PHF14: variants seen among roughly 807,000 people sequenced by gnomAD.
PHF14 encodes PHD finger protein 14.
In PHF14, 55 loss-of-function variants were observed where a neutral mutation model predicts 117.9. That is an observed-to-expected ratio of 0.47 (90% CI 0.38 to 0.58). PHF14 has a LOEUF of 0.58. Among genes scored for constraint, PHF14 ranks in the 20% least tolerant of loss-of-function variants. PHF14 has a pLI of 0.00. For synonymous variants in PHF14, 409 were observed against 368.6 expected (o/e 1.11, Z -1.26); for missense variants, 978 against 1,122.2 (o/e 0.87, Z 1.84).
chr7:11,073,731 G>A (rs944976677), intron 16 of PHF14, among the ~76,000 whole-genome samples: 1 of 152,208 alleles, frequency 6.6e-6, no homozygotes, highest in African/African-American at 2.4e-5. Flanking sequence ...TTCTGTGAAG[G>A]CTCTGTCTCT....
chr7:10,993,765 T>C (rs796879604), intron 4 of PHF14, among the ~76,000 whole-genome samples: 18 of 152,226 alleles, frequency 1.2e-4, no homozygotes, highest in African/African-American at 3.9e-4. Flanking sequence ...TCCCAGCACT[T>C]TGGGAGGCCA....
chr7:10,976,540 A>C (rs772476043), intron 2 of PHF14, among the ~76,000 whole-genome samples: 6 of 152,116 alleles, frequency 3.9e-5, no homozygotes, highest in Non-Finnish European at 7.4e-5. Context: ...TGTGACAATA[A>C]ATCTTGACTT....
chr7:10,996,641 A>C (rs73678542), intron 4 of PHF14, among the ~76,000 whole-genome samples: 3,162 of 152,338 alleles, frequency 0.021, 124 homozygotes, highest in African/African-American at 0.073. Flanking sequence ...TGATTCATTA[A>C]ATAAATATAA....
At chr7:11,036,351 T>C (rs1350405125) in intron 8 of PHF14, 67 bp from the exon 9 acceptor site, 2 of 1,291,072 alleles carry the variant, frequency 1.5e-6, no homozygotes, top group East Asian at 2.5e-5. Flanking sequence ...TAAAAATCAA[T>C]GTAAAAATCT....
intron 4 of PHF14, among the ~76,000 whole-genome samples, chr7:11,005,676 T>G (rs1255206964): frequency 6.6e-6 from 1 of 152,182 alleles, no homozygotes; most frequent in Non-Finnish European, 1.5e-5. Flanking sequence ...TCAACCATAA[T>G]GTACTTATTT....
chr7:11,038,541 C>G (rs1191152443), intron 10 of PHF14, among the ~76,000 whole-genome samples: 4 of 151,492 alleles, frequency 2.6e-5, no homozygotes, highest in African/African-American at 9.7e-5. Context: ...ACCTGTAGTC[C>G]CACCTACTCG....
intron 16 of PHF14, chr7:11,103,229 G>T (rs935276287): frequency 3.2e-6 from 3 of 929,232 alleles, no homozygotes; most frequent in Admixed American, 1.2e-4. Flanking sequence ...CAGATTTTAA[G>T]CTCATGAATA....
intron 14 of PHF14, among the ~76,000 whole-genome samples, chr7:11,059,953 C>T (rs1354750749): frequency 6.6e-6 from 1 of 152,110 alleles, no homozygotes; most frequent in Non-Finnish European, 1.5e-5. Context: ...TCACTGCAGC[C>T]TAGATCTCCT....
At chr7:11,040,607 A>G (rs1784471266) in intron 11 of PHF14, 65 bp from the exon 12 acceptor site, 1 of 735,766 alleles carries the variant, frequency 1.4e-6, no homozygotes, top group Non-Finnish European at 2.1e-6. Flanking sequence ...AGTGGCAATT[A>G]GAGGAAAATG....
At chr7:11,003,782 A>G (rs1224455405) in intron 4 of PHF14, among the ~76,000 whole-genome samples, 1 of 152,216 alleles carries the variant, frequency 6.6e-6, no homozygotes, top group Non-Finnish European at 1.5e-5. Context: ...ATATGTAAAA[A>G]TAGTTATGCT....
intron 13 of PHF14, among the ~76,000 whole-genome samples, chr7:11,050,035 A>G (rs1181195203): frequency 1.3e-5 from 2 of 152,192 alleles, no homozygotes; most frequent in Non-Finnish European, 2.9e-5. Flanking sequence ...AAATTTTAAG[A>G]TATTTAAATT....
intron 16 of PHF14, among the ~76,000 whole-genome samples, chr7:11,089,832 G>A (rs1449986351): frequency 7.1e-6 from 1 of 140,310 alleles, no homozygotes; most frequent in South Asian, 2.2e-4. Context: ...GTGCATTGGC[G>A]TGATCTTGGC....
At chr7:11,169,196 A>T (rs1789295610) in intron 17 of PHF14, among the ~76,000 whole-genome samples, 1 of 152,144 alleles carries the variant, frequency 6.6e-6, no homozygotes, top group South Asian at 2.1e-4. Flanking sequence ...GGGCATTGTT[A>T]AAATTGGTTG....
rs370013561 is a variant in PHF14, at chr7:11,124,861, T to C, written c.2772+13394T>C. Among the ~76,000 whole-genome samples the C allele has an allele frequency of 2.6e-5, 4 of 152,178 alleles. No homozygotes were observed. In the East Asian group the frequency reaches 5.8e-4, roughly 22 times the overall value. On this transcript the variant is annotated intron_variant, in intron 17 of 17. Coordinates refer to ENST00000634607, the MANE Select transcript of PHF14 (RefSeq NM_001007157.2). The stretch of plus-strand genomic sequence containing the variant: ...ATAATTTTTCTATTATAAATAAACA[T>C]GACTTCTAATCGGAAAGGGAAAAAT...
intron 17 of PHF14, among the ~76,000 whole-genome samples, chr7:11,166,286 T>G (rs534358874): frequency 1.3e-5 from 2 of 152,202 alleles, no homozygotes; most frequent in African/African-American, 2.4e-5. Context: ...AGCCAGGGTC[T>G]TCTTTCATTG....
intron 3 of PHF14, among the ~76,000 whole-genome samples, chr7:10,990,447 C>T (rs1024221750): frequency 6.6e-6 from 1 of 151,982 alleles, no homozygotes; most frequent in Admixed American, 6.6e-5. Flanking sequence ...TTTTTCATAT[C>T]CTAGAGGAGA....
intron 17 of PHF14, among the ~76,000 whole-genome samples, chr7:11,122,331 TTATATATA>T (rs146463909): frequency 1.8e-4 from 15 of 84,072 alleles, no homozygotes; most frequent in East Asian, 4.7e-4. Flanking sequence ...TTTGTACTTT[TTATATATA>T]TATATATATA....
intron 16 of PHF14, among the ~76,000 whole-genome samples, chr7:11,097,828 T>C (rs1786935316): frequency 6.6e-6 from 1 of 152,204 alleles, no homozygotes; most frequent in South Asian, 2.1e-4. Context: ...TCCCTTCCTC[T>C]ATTCTATCTT....
intron 16 of PHF14, among the ~76,000 whole-genome samples, chr7:11,071,962 C>G (rs1280154110): frequency 6.6e-6 from 1 of 152,072 alleles, no homozygotes; most frequent in Non-Finnish European, 1.5e-5. Flanking sequence ...TTCAAAGTGT[C>G]TATTATTTTG....
Sources: allele counts gnomAD v4.1 joint callset (sites outside exome capture counted in the v4.1 genomes callset), GRCh38; gene constraint gnomAD v4.1.1; transcripts MANE v1.5; gene names NCBI Gene and HGNC (gene_info 2026-07-23, HGNC 2026-07-21).